The following CCN6 variants were observed in gnomAD, a reference collection of about 807,000 sequenced individuals.
CCN6 encodes CCN family member 6.
In CCN6, 31 loss-of-function variants were observed where a neutral mutation model predicts 37.4. The ratio of observed to expected loss-of-function variants is 0.83; its 90% CI spans 0.62 to 1.12. The LOEUF (loss-of-function observed/expected upper bound fraction) is 1.12, where lower values mean the gene tolerates loss of function less well. Among genes scored for constraint, CCN6 ranks in the 50% most tolerant of loss-of-function variants. CCN6 has a pLI of 0.00. For missense variants in CCN6, 369 were observed against 413.8 expected (o/e 0.89, Z 0.94); for synonymous variants, 137 against 142.1 (o/e 0.96, Z 0.26).
intron 1 of CCN6, among the ~76,000 whole-genome samples, chr6:112,059,393 C>T (rs1776442098): frequency 6.6e-6 from 1 of 152,178 alleles, no homozygotes; most frequent in Non-Finnish European, 1.5e-5. Flanking sequence ...CTGGAGGTGG[C>T]AGGGGAGAAT....
Position 112,066,262 on chromosome 6 carries a change from C to T in CCN6, c.589+1265C>T, listed in dbSNP as rs192883142. ...AAATCTCTGAAATTATAAGCCATGT[C>T]CTTATTTTTTTTTTTCAAAATGTAC... is the stretch of plus-strand genomic sequence containing the variant. On this transcript the variant is annotated intron_variant, in intron 3 of 4. Coordinates refer to ENST00000368666, the MANE Select transcript of CCN6 (RefSeq NM_198239.2). Among the ~76,000 whole-genome samples, 310 of 151,852 alleles carry T rather than the reference C, an allele frequency of 2.0e-3. 1 individual carries two copies. Among genetic ancestry groups the T allele is most frequent in the African/African-American group, 7.2e-3 (300 of 41,384 alleles).
chr6:112,064,707 A>G (rs367792157), intron 2 of CCN6, 48 bp from the exon 3 acceptor site: 2 of 1,613,222 alleles, frequency 1.2e-6, no homozygotes, highest in South Asian at 1.1e-5. Context: ...GGTCTAGACT[A>G]TCACAGATCA....
chr6:112,061,468 TAC>T, intron 2 of CCN6, 180 bp downstream of exon 2: 2 of 735,452 alleles, frequency 2.7e-6, no homozygotes, highest in African/African-American at 1.8e-5. Context: ...AGCAGATGCT[TAC>T]ACACATTCAG....
At chr6:112,053,863 G>T (rs1453722358), upstream of CCN6, among the ~76,000 whole-genome samples, 2 of 133,702 alleles carry the variant, frequency 1.5e-5, no homozygotes, top group Non-Finnish European at 3.3e-5. Flanking sequence ...GGGTGCTGTT[G>T]GTGGGGGGGC....
At chr6:112,067,650 ATTAGT>A (rs1247661964) in intron 3 of CCN6, among the ~76,000 whole-genome samples, 10 of 152,170 alleles carry the variant, frequency 6.6e-5, no homozygotes, top group South Asian at 2.1e-4. Context: ...TATATAAATG[ATTAGT>A]TTAGTTCAGT....
intron 1 of CCN6, among the ~76,000 whole-genome samples, chr6:112,059,051 G>A (rs1421164917): frequency 3.3e-5 from 5 of 152,188 alleles, no homozygotes; most frequent in African/African-American, 1.2e-4. Context: ...CAGAGATTTG[G>A]TGATTTGTTC....
At chr6:112,054,828 T>A (rs1554311516) in intron 1 of CCN6, 1 of 231,156 alleles carries the variant, frequency 4.3e-6, no homozygotes, top group Non-Finnish European at 8.6e-6. Context: ...CAGCGACTTT[T>A]TCCAGTTAAG....
intron 1 of CCN6, among the ~76,000 whole-genome samples, chr6:112,057,900 A>C (rs1231165899): frequency 6.6e-6 from 1 of 152,128 alleles, no homozygotes; most frequent in Non-Finnish European, 1.5e-5. Flanking sequence ...GGGGGACCAG[A>C]TGTAATGAAA....
rs587706219 is a variant in CCN6 at position 112,068,909 on chromosome 6, A to G, written c.784-430A>G. 8.9e-4 allele frequency among the ~76,000 whole-genome samples: 135 copies of G among 152,272 alleles called. 2 individuals carry two copies. The highest frequency in any genetic ancestry group is 3.0e-3 in the African/African-American group (126 of 41,566). On this transcript the variant is annotated intron_variant, in intron 4 of 4. Coordinates refer to ENST00000368666, the MANE Select transcript of CCN6 (RefSeq NM_198239.2). ...ATGCTACACAATCCTTCTACCCCAA[A>G]GTTATTCTCTATCATATTAGCAAGT...
intron 3 of CCN6, among the ~76,000 whole-genome samples, chr6:112,065,608 ACG>A (rs1776664549): frequency 1.3e-4 from 10 of 75,332 alleles, no homozygotes; most frequent in East Asian, 4.1e-4. Flanking sequence ...ACAAACACAC[ACG>A]CACACACACA....
chr6:112,068,157 C>T (rs1554314439), intron 3 of CCN6, 48 bp from the exon 4 acceptor site: 6 of 1,377,824 alleles, frequency 4.4e-6, no homozygotes, highest in Non-Finnish European at 4.0e-6. Flanking sequence ...TCTATTTATA[C>T]AAGTACATTT....
At chr6:112,066,945 C>T (rs781834673) in intron 3 of CCN6, 20 of 1,364,306 alleles carry the variant, frequency 1.5e-5, no homozygotes, top group Non-Finnish European at 1.6e-5. Flanking sequence ...ACACGGTAAT[C>T]TAACCTGCCT....
chr6:112,066,847 T>TA, intron 3 of CCN6: 1 of 731,678 alleles, frequency 1.4e-6, no homozygotes, highest in Non-Finnish European at 2.0e-6. Flanking sequence ...AAGCTTTGTT[T>TA]AAAAAATCTC....
At chr6:112,064,522 T>G (rs1554313469) in intron 2 of CCN6, among the ~76,000 whole-genome samples, 1 of 152,180 alleles carries the variant, frequency 6.6e-6, no homozygotes, top group Non-Finnish European at 1.5e-5. Context: ...CTTTACTTGG[T>G]CTTAATTCTG....
At chr6:112,060,205 T>A (rs1371575536) in intron 1 of CCN6, 1 of 1,242,596 alleles carries the variant, frequency 8.0e-7, no homozygotes, top group Non-Finnish European at 1.1e-6. Context: ...TCACTCCATA[T>A]GAGCAAAGAG....
chr6:112,054,595 AG>A, intron 1 of CCN6, 190 bp downstream of exon 1: 1 of 624,568 alleles, frequency 1.6e-6, no homozygotes, highest in Non-Finnish European at 2.9e-6. Context: ...GCTTCATGAA[AG>A]AAATGTAAAA....
rs1776631516 is a variant in CCN6 at position 112,064,848 on chromosome 6, G to A, written c.440G>A (p.Ser147Asn). The A allele has an allele frequency of 1.2e-6, 2 of 1,614,022 alleles. No individual in the cohort carries two copies. The highest frequency in any genetic ancestry group is 1.7e-6 in the Non-Finnish European group (2 of 1,179,974). The change falls in exon 3 of 5, where the codon AGT becomes AAT. Residue 147 changes from serine to asparagine, a missense_variant. Transcript: ENST00000368666. ...CCCTTGTTCAGCTGCCTCTGTGTGA[G>A]TGGGGCCATTGGATGCACACCTCTG... is the stretch of plus-strand genomic sequence containing the variant. ...PNPLFSCLCVSGAIGCTPLFI... is the reference protein window; with the variant it reads ...PNPLFSCLCVNGAIGCTPLFI...
intron 1 of CCN6, chr6:112,054,694 G>A: frequency 2.4e-6 from 1 of 409,454 alleles, no homozygotes; most frequent in East Asian, 5.6e-5. Context: ...TTATAGCAGA[G>A]CCTAAGGCAC....
At position 112,069,340 on chromosome 6, in the gene CCN6, T is replaced by C; in HGVS notation, c.785T>C (p.Ile262Thr). Residue 262 changes from isoleucine to threonine, a missense_variant and splice_region_variant, in exon 5 of 5, where the codon ATT (isoleucine) becomes ACT (threonine). Coordinates refer to ENST00000368666, the MANE Select transcript of CCN6 (RefSeq NM_198239.2). ...CDSNILKTIK[I>T]PKGKTCQPTF... is the part of the protein sequence containing the mutation. Reference sequence around the variant, plus strand: ...ACTTCATTTTATCTATCTTTTCAGATTCCCAAAGGAAAAACATGCCAACCT... The same window carrying C: ...ACTTCATTTTATCTATCTTTTCAGACTCCCAAAGGAAAAACATGCCAACCT... The C allele has an allele frequency of 1.2e-6, 2 of 1,612,868 alleles. No individual in the cohort carries two copies. The highest frequency in any genetic ancestry group is 1.7e-6 in the Non-Finnish European group (2 of 1,179,746).
Sources: allele counts gnomAD v4.1 joint callset (sites outside exome capture counted in the v4.1 genomes callset), GRCh38; gene constraint gnomAD v4.1.1; transcripts MANE v1.5; gene names NCBI Gene and HGNC (gene_info 2026-07-23, HGNC 2026-07-21).